BRIP1: variants seen among roughly 807,000 people sequenced by gnomAD.
BRIP1 encodes the protein BRCA1 interacting DNA helicase 1.
BRIP1 carries 88 observed loss-of-function variants against 119.7 expected under a neutral mutation model. The observed-to-expected ratio is 0.74, with a 90% confidence interval of 0.62 to 0.88. The LOEUF (loss-of-function observed/expected upper bound fraction) is 0.88, where lower values mean the gene tolerates loss of function less well. Ranked by LOEUF, BRIP1 falls within the 40% of genes least tolerant of loss-of-function variation. The pLI is 0.00. For synonymous variants in BRIP1, 443 were observed against 496.5 expected, an observed-to-expected ratio of 0.89 and a Z score of 1.43; for missense variants, 1,259 against 1,455.4, an observed-to-expected ratio of 0.87 and a Z score of 2.20.
At chr17:61,721,499 G>A (rs2061974893) in intron 16 of BRIP1, among the ~76,000 whole-genome samples, 1 of 149,814 alleles carries the variant, frequency 6.7e-6, no homozygotes, top group Non-Finnish European at 1.5e-5. Context: ...TCGATCTCTT[G>A]ACCTCGTGAT....
chr17:61,700,564 T>C lies in BRIP1; in HGVS notation c.2493-7052A>G, dbSNP rs2061599154. Among the ~76,000 whole-genome samples, 1 of 152,168 alleles carries C rather than the reference T, an allele frequency of 6.6e-6. No individual in the cohort carries two copies. ...GGATGTTTTGTATATGATGAGTTATTTCTCTCTTGCCGCTTTCTAGATTCT... is the reference window on the plus strand; with the variant it reads ...GGATGTTTTGTATATGATGAGTTATCTCTCTCTTGCCGCTTTCTAGATTCT... On this transcript the variant is annotated intron_variant, in intron 17 of 19. Coordinates refer to ENST00000259008, the MANE Select transcript of BRIP1 (RefSeq NM_032043.3). This position sits in a 1 kb window ranked among gnomAD's most constrained non-coding sequence, Gnocchi z 4.1.
chr17:61,749,296 C>T (rs1185060098), intron 14 of BRIP1, among the ~76,000 whole-genome samples: 1 of 149,664 alleles, frequency 6.7e-6, no homozygotes, highest in African/African-American at 2.5e-5. Flanking sequence ...AAGGTTTCTG[C>T]AAAGTAAAGG....
intron 6 of BRIP1, among the ~76,000 whole-genome samples, chr17:61,820,937 G>C (rs376058213): frequency 1.4e-5 from 2 of 142,984 alleles, no homozygotes; most frequent in African/African-American, 5.5e-5. Context: ...GCAACGAAGC[G>C]AGACTCTGTC....
intron 10 of BRIP1, among the ~76,000 whole-genome samples, chr17:61,786,102 A>G (rs2077701498): frequency 1.3e-5 from 2 of 152,154 alleles, no homozygotes; most frequent in South Asian, 2.1e-4. Flanking sequence ...CTGAATATCA[A>G]TATAACTATA....
Position 61,730,833 on chromosome 17 carries a change from A to T in BRIP1, c.2379+12180T>A, listed in dbSNP as rs2076834928. ...ATCCTTGATCCCAAAATATCTTTTA[A>T]AAATATGGAGAATTTAAAAATTAAC... On this transcript the variant is annotated intron_variant, in intron 16 of 19. Transcript: ENST00000259008. The surrounding 1 kb of genome is among the most constrained non-coding windows in gnomAD (Gnocchi z 4.3). Among the ~76,000 whole-genome samples the T allele has an allele frequency of 6.6e-6, 1 of 152,140 alleles. No homozygotes were observed. Among genetic ancestry groups the T allele is most frequent in the Admixed American group, 6.5e-5 (1 of 15,270 alleles).
chr17:61,830,958 C>G (rs905978338), intron 6 of BRIP1, among the ~76,000 whole-genome samples: 3 of 152,168 alleles, frequency 2.0e-5, no homozygotes, highest in African/African-American at 7.2e-5. Context: ...AATTTACAGT[C>G]AGGCCAACAT....
chr17:61,688,762 A>G (rs1458085907), intron 18 of BRIP1, among the ~76,000 whole-genome samples: 1 of 151,918 alleles, frequency 6.6e-6, no homozygotes, highest in African/African-American at 2.4e-5. Context: ...CTTAAAAAAA[A>G]AAAAAAGCTA....
rs2078127134 is a variant in BRIP1, at chr17:61,809,273, A to T, written c.628-516T>A. On this transcript the variant is annotated intron_variant, in intron 6 of 19. Coordinates refer to ENST00000259008, the MANE Select transcript of BRIP1 (RefSeq NM_032043.3). This position sits in a 1 kb window ranked among gnomAD's most constrained non-coding sequence, Gnocchi z 5.2. ...TCTAAAGGATCACTTAACAACTTCA[A>T]AAAGAGAAAATTCTTCTTTAGCAAA... Among the ~76,000 whole-genome samples the T allele has an allele frequency of 6.6e-6, 1 of 152,226 alleles. No individual in the cohort carries two copies. The highest frequency in any genetic ancestry group is 2.1e-4 in the South Asian group (1 of 4,834).
intron 6 of BRIP1, among the ~76,000 whole-genome samples, chr17:61,830,502 C>G (rs2078478082): frequency 6.6e-6 from 1 of 151,978 alleles, no homozygotes; most frequent in South Asian, 2.1e-4. Context: ...GGGCATATCA[C>G]TACAAATCCT....
intron 6 of BRIP1, among the ~76,000 whole-genome samples, chr17:61,821,361 G>A (rs999471601): frequency 6.6e-6 from 1 of 152,138 alleles, no homozygotes; most frequent in Non-Finnish European, 1.5e-5. Context: ...TGCAAACAGA[G>A]TAGCCTCTGA....
At chr17:61,797,944 A>G (rs2077926450) in intron 9 of BRIP1, among the ~76,000 whole-genome samples, 1 of 152,042 alleles carries the variant, frequency 6.6e-6, no homozygotes, top group African/African-American at 2.4e-5. Context: ...GTAGAAGCAT[A>G]CATTAGCCCC....
chr17:61,775,570 T>C lies in BRIP1; in HGVS notation c.2097+831A>G, dbSNP rs1567807948. On this transcript the variant is annotated intron_variant, in intron 14 of 19. Transcript: ENST00000259008. The surrounding 1 kb of genome is among the most constrained non-coding windows in gnomAD (Gnocchi z 4.4). Reference sequence around the variant, plus strand: ...TTTCAGGAATTATAAGTGGTTTCAATGCTTTGAATGTTAGGAGGACCAAAA... The same window carrying C: ...TTTCAGGAATTATAAGTGGTTTCAACGCTTTGAATGTTAGGAGGACCAAAA... Among the ~76,000 whole-genome samples, 1 of 152,184 alleles carries C rather than the reference T, an allele frequency of 6.6e-6. No individual in the cohort carries two copies. The highest frequency in any genetic ancestry group is 1.5e-5 in the Non-Finnish European group (1 of 68,044).
intron 16 of BRIP1, among the ~76,000 whole-genome samples, chr17:61,716,433 TTC>T (rs1247656657): frequency 6.6e-6 from 1 of 152,072 alleles, no homozygotes. Flanking sequence ...TATAGTAAAT[TTC>T]TTTCTTCCAC....
rs111969560 is a variant in BRIP1 at position 61,780,654 on chromosome 17, G to C, written c.1794+186C>G. ...AAGGTGGGAGGATCGCTTGAGCCTG[G>C]AAGGTCAAGGCTACAGTGAGCTGAG... On this transcript the variant is annotated intron_variant, in intron 12 of 19. Transcript: ENST00000259008. This position sits in a 1 kb window ranked among gnomAD's most constrained non-coding sequence, Gnocchi z 5.4. Among the ~76,000 whole-genome samples, 216 of 152,208 alleles carry C rather than the reference G, an allele frequency of 1.4e-3. 1 individual carries two copies. Among genetic ancestry groups the C allele is most frequent in the African/African-American group, 5.1e-3 (211 of 41,538 alleles).
rs552752779 is a variant in BRIP1, at chr17:61,784,427, A to G, written c.1474-3T>C. 191 of 1,611,312 alleles carry G rather than the reference A, an allele frequency of 1.2e-4. No homozygotes were observed. In the South Asian group the frequency reaches 2.0e-3, roughly 17 times the overall value. ...TGAAGAACAGCAGAAAAATGTCCCTATAAGAAATTACCATATTAAGTATAG... is the reference window on the plus strand; with the variant it reads ...TGAAGAACAGCAGAAAAATGTCCCTGTAAGAAATTACCATATTAAGTATAG... On this transcript the variant is annotated splice_region_variant and splice_polypyrimidine_tract_variant and intron_variant, in intron 10 of 19. Coordinates refer to ENST00000259008, the MANE Select transcript of BRIP1 (RefSeq NM_032043.3).
In BRIP1 at chr17:61,684,193, T is replaced by C; in HGVS notation, c.2906-53A>G. 1.9e-6 allele frequency: 3 copies of C among 1,576,928 alleles called. No individual in the cohort carries two copies. The highest frequency in any genetic ancestry group is 1.1e-5 in the South Asian group (1 of 87,808). Reference sequence around the variant, plus strand: ...AACTTTCTGCTCCTAGCTAACATAATTGCTAGGTTAAAATAATTATTTATT... The same window carrying C: ...AACTTTCTGCTCCTAGCTAACATAACTGCTAGGTTAAAATAATTATTTATT... On this transcript the variant is annotated intron_variant, in intron 19 of 19. Transcript: ENST00000259008. This position sits in a 1 kb window ranked among gnomAD's most constrained non-coding sequence, Gnocchi z 4.5.
Position 61,856,121 on chromosome 17 carries a change from A to G in BRIP1, c.379+937T>C, listed in dbSNP as rs1042161244. The stretch of plus-strand genomic sequence containing the variant: ...TCTTTGAAGGAAAGGGAAGAAATCC[A>G]AAAGGCCAAAATCAAAACAATGTAG... On this transcript the variant is annotated intron_variant, in intron 4 of 19. Coordinates refer to ENST00000259008, the MANE Select transcript of BRIP1 (RefSeq NM_032043.3). The surrounding 1 kb of genome is among the most constrained non-coding windows in gnomAD (Gnocchi z 5.1). 2.6e-5 allele frequency among the ~76,000 whole-genome samples: 4 copies of G among 152,226 alleles called. No homozygotes were observed. The highest frequency in any genetic ancestry group is 1.3e-4 in the Admixed American group (2 of 15,284).
In BRIP1 at chr17:61,794,121, G is replaced by A. The variant is rs985223649; in HGVS notation, c.1341-392C>T. Among the ~76,000 whole-genome samples, 1 of 151,982 alleles carries A rather than the reference G, an allele frequency of 6.6e-6. No homozygotes were observed. Among genetic ancestry groups the A allele is most frequent in the Non-Finnish European group, 1.5e-5 (1 of 67,984 alleles). ...GTGTTACATATTAACACAAAAAAGA[G>A]AATTACTAGAAAATATATAAATACA... On this transcript the variant is annotated intron_variant, in intron 9 of 19. Transcript: ENST00000259008. This position sits in a 1 kb window ranked among gnomAD's most constrained non-coding sequence, Gnocchi z 4.3.
In BRIP1 at chr17:61,716,182, T is replaced by G. The variant is rs1042439295; in HGVS notation, c.2380-119A>C. ...TTTAGGGTAGAGATTTTATTTTGTT[T>G]TTCAGTACTGATTTTTTTCGTTTCA... On this transcript the variant is annotated intron_variant, in intron 16 of 19. Transcript: ENST00000259008. The G allele has an allele frequency of 2.1e-5, 14 of 664,112 alleles. No homozygotes were observed. In the African/African-American group the frequency reaches 2.2e-4, roughly 10 times the overall value. 41.1% of individuals were successfully genotyped at this position (664,112 alleles called of 1,614,324 possible).
Sources: allele counts gnomAD v4.1 joint callset (sites outside exome capture counted in the v4.1 genomes callset), GRCh38; gene constraint gnomAD v4.1.1; non-coding constraint Gnocchi (gnomAD v3.1); transcripts MANE v1.5; gene names NCBI Gene and HGNC (gene_info 2026-07-23, HGNC 2026-07-21).